The following TFG variants were observed in gnomAD, a reference collection of about 807,000 sequenced individuals.
TFG encodes trafficking from ER to golgi regulator, also known as protein TFG.
A neutral mutation model predicts 51.4 loss-of-function variants in TFG; 22 were observed. That is an observed-to-expected ratio of 0.43 (90% CI 0.31 to 0.61). The LOEUF (loss-of-function observed/expected upper bound fraction) is 0.61, where lower values mean the gene tolerates loss of function less well. TFG is among the 20% of genes least tolerant of loss of function. TFG has a pLI of 0.12. For synonymous variants in TFG, 187 were observed against 165.6 expected, an observed-to-expected ratio of 1.13 and a Z score of -0.99; for missense variants, 419 against 487.7, an observed-to-expected ratio of 0.86 and a Z score of 1.33.
chr3:100,723,901 C>A (rs2095067710), intron 3 of TFG, among the ~76,000 whole-genome samples: 1 of 151,682 alleles, frequency 6.6e-6, no homozygotes, highest in African/African-American at 2.4e-5. Context: ...CCAGAAAATC[C>A]CAAAATGTAA....
At chr3:100,727,277 G>GA (rs1444031845) in intron 3 of TFG, among the ~76,000 whole-genome samples, 5 of 152,118 alleles carry the variant, frequency 3.3e-5, no homozygotes, top group Non-Finnish European at 5.9e-5. Context: ...AAATATTGGA[G>GA]AAAAAACAGT....
chr3:100,722,264 A>ATTGAAATTAAATACTAAGTGGATAGG (rs2095063012), intron 3 of TFG, among the ~76,000 whole-genome samples: 2 of 152,384 alleles, frequency 1.3e-5, no homozygotes, highest in East Asian at 3.8e-4. Flanking sequence ...AAATATAATC[A>ATTGAAATTAAATACTAAGTGGATAGG]TTGAAATTAA....
intron 5 of TFG, among the ~76,000 whole-genome samples, chr3:100,733,146 A>G (rs2095096515): frequency 1.3e-5 from 2 of 152,196 alleles, no homozygotes; most frequent in African/African-American, 4.8e-5. Flanking sequence ...ACCTTAAAGC[A>G]GTACCTATAT....
Position 100,748,676 on chromosome 3 carries a change from T to A in TFG, c.*145T>A. The A allele has an allele frequency of 1.0e-6, 1 of 975,348 alleles. No homozygotes were observed. Among genetic ancestry groups the A allele is most frequent in the Non-Finnish European group, 1.4e-6 (1 of 700,910 alleles). The allele number at this position is 975,348 out of a possible 1,614,324, so 60.4% of individuals were successfully genotyped here. On this transcript the variant is annotated 3_prime_UTR_variant, in exon 8 of 8. Coordinates refer to ENST00000240851, the MANE Select transcript of TFG (RefSeq NM_006070.6). ...TATCATTGTTGGTGTTAATTGAAAG[T>A]ATAATTTGCTGGAACACAAAGACCA...
chr3:100,746,922 A>G lies in TFG; in HGVS notation c.821-1227A>G, dbSNP rs1015437953. 1.1e-4 allele frequency among the ~76,000 whole-genome samples: 17 copies of G among 152,340 alleles called. No individual in the cohort carries two copies. The East Asian group carries it at 2.1e-3, about 19-fold the overall frequency. On this transcript the variant is annotated intron_variant, in intron 7 of 7. Coordinates refer to ENST00000240851, the MANE Select transcript of TFG (RefSeq NM_006070.6). ...TGTAGAGGATAGGAGAACTTGTATG[A>G]CATTCAGAATTTTTTATGAGTTGGT...
At chr3:100,732,896 C>T (rs907595403) in intron 5 of TFG, among the ~76,000 whole-genome samples, 2 of 152,146 alleles carry the variant, frequency 1.3e-5, no homozygotes, top group South Asian at 2.1e-4. Flanking sequence ...TATGTCCTCT[C>T]CCCAAGAGTA....
intron 4 of TFG, among the ~76,000 whole-genome samples, chr3:100,732,130 T>C (rs2095093232): frequency 6.6e-6 from 1 of 152,114 alleles, no homozygotes; most frequent in Non-Finnish European, 1.5e-5. Flanking sequence ...CTATAATTAT[T>C]ATTTCCAGAG....
chr3:100,720,942 T>A (rs1461530464), intron 3 of TFG, among the ~76,000 whole-genome samples: 1 of 152,206 alleles, frequency 6.6e-6, no homozygotes, highest in Non-Finnish European at 1.5e-5. Context: ...TAATTTTATT[T>A]TTTTTTAATT....
chr3:100,725,315 T>C (rs2095072160), intron 3 of TFG, among the ~76,000 whole-genome samples: 1 of 152,150 alleles, frequency 6.6e-6, no homozygotes, highest in Non-Finnish European at 1.5e-5. Flanking sequence ...TATAATTATA[T>C]ACAACAAAAG....
intron 2 of TFG, among the ~76,000 whole-genome samples, chr3:100,715,423 C>T (rs1009515173): frequency 6.6e-6 from 1 of 152,200 alleles, no homozygotes; most frequent in African/African-American, 2.4e-5. Flanking sequence ...AGTTACATGG[C>T]TTTGCTAAGA....
At chr3:100,747,685 T>C (rs866915328) in intron 7 of TFG, among the ~76,000 whole-genome samples, 21 of 151,268 alleles carry the variant, frequency 1.4e-4, no homozygotes, top group African/African-American at 4.6e-4. Context: ...TGGTACTTTT[T>C]ATTTATTTGC....
At chr3:100,724,624 C>T (rs1386060911) in intron 3 of TFG, among the ~76,000 whole-genome samples, 5 of 152,100 alleles carry the variant, frequency 3.3e-5, no homozygotes, top group African/African-American at 9.7e-5. Context: ...GTTAATATAA[C>T]ATTAACATGA....
At chr3:100,745,115 C>T (rs566855870) in intron 7 of TFG, among the ~76,000 whole-genome samples, 184 bp downstream of exon 7, 2 of 152,208 alleles carry the variant, frequency 1.3e-5, no homozygotes, top group South Asian at 2.1e-4. Context: ...ATCAACATTT[C>T]AGTTTTCTGG....
At chr3:100,731,630 C>A (rs1259788522) in intron 4 of TFG, among the ~76,000 whole-genome samples, 2 of 152,150 alleles carry the variant, frequency 1.3e-5, no homozygotes, top group Admixed American at 6.5e-5. Context: ...AATCTCAGCT[C>A]ACTACAAACT....
chr3:100,724,205 C>T (rs2095068631), intron 3 of TFG, among the ~76,000 whole-genome samples: 1 of 151,960 alleles, frequency 6.6e-6, no homozygotes, highest in African/African-American at 2.4e-5. Flanking sequence ...AAGGACAAAC[C>T]TCAAATAACT....
At chr3:100,743,687 T>TA (rs1342197229) in intron 6 of TFG, 2 of 152,144 alleles carry the variant, frequency 1.3e-5, no homozygotes, top group Non-Finnish European at 2.9e-5. Flanking sequence ...ACTAAAAACT[T>TA]AGACACGTAT....
chr3:100,729,501 T>C (rs779605524), intron 4 of TFG, among the ~76,000 whole-genome samples: 24 of 152,290 alleles, frequency 1.6e-4, no homozygotes, highest in Non-Finnish European at 3.1e-4. Context: ...GAACTTTAAG[T>C]ATGTGTTAAT....
At chr3:100,715,759 C>T (rs1350374373) in intron 2 of TFG, among the ~76,000 whole-genome samples, 2 of 151,418 alleles carry the variant, frequency 1.3e-5, no homozygotes, top group Non-Finnish European at 2.9e-5. Flanking sequence ...GTCTCACTCT[C>T]ATCCAGGCTA....
chr3:100,719,057 T>A (rs905690101), intron 2 of TFG, among the ~76,000 whole-genome samples: 1 of 152,228 alleles, frequency 6.6e-6, no homozygotes, highest in Non-Finnish European at 1.5e-5. Context: ...AATTGAACAT[T>A]AAACAAGTAT....
Sources: allele counts gnomAD v4.1 joint callset (sites outside exome capture counted in the v4.1 genomes callset), GRCh38; gene constraint gnomAD v4.1.1; transcripts MANE v1.5; gene names NCBI Gene and HGNC (gene_info 2026-07-23, HGNC 2026-07-21).